OXGR1: variants seen among roughly 807,000 people sequenced by gnomAD.
OXGR1 encodes the protein oxoglutarate receptor 1.
Under a neutral mutation model 10.0 loss-of-function variants are expected in OXGR1, and 10 were observed. The ratio of observed to expected loss-of-function variants is 1.00; its 90% CI spans 0.62 to 1.70. The LOEUF (loss-of-function observed/expected upper bound fraction) is 1.70, where lower values mean the gene tolerates loss of function less well. Ranked by LOEUF, OXGR1 falls within the 40% of genes most tolerant of loss-of-function variation. The probability of loss-of-function intolerance (pLI) is 0.00; values close to 1 mark genes in which losing one functional copy is unlikely to be tolerated. For missense variants in OXGR1, 398 were observed against 407.6 expected (o/e 0.98, Z 0.20); for synonymous variants, 191 against 155.9 (o/e 1.22, Z -1.68).
chr13:96,991,206 T>G (rs570070082), intron 2 of OXGR1, among the ~76,000 whole-genome samples: 32 of 152,264 alleles, frequency 2.1e-4, no homozygotes, highest in African/African-American at 7.5e-4. Flanking sequence ...TTAATCTGTG[T>G]TCCATAAAAC....
intron 3 of OXGR1, among the ~76,000 whole-genome samples, chr13:96,989,061 T>C (rs866507923): frequency 3.0e-4 from 45 of 151,750 alleles, no homozygotes; most frequent in Admixed American, 3.9e-4. Context: ...CTGTCAATAG[T>C]ATGTTAAAAA....
rs1389889327 is a variant in OXGR1 at position 96,992,538 on chromosome 13, C to T, written c.-243G>A. ...GTGGACCGCTGTCCTGATGCCAGCA[C>T]ACCCAGGAACCTCACGGATTGGGAT... On this transcript the variant is annotated 5_prime_UTR_variant, in exon 2 of 4. In the 5' UTR this introduces an upstream ATG that the reference lacks. Coordinates refer to ENST00000541038, the MANE Select transcript of OXGR1 (RefSeq NM_001346194.2). The T allele has an allele frequency of 6.6e-6, 1 of 152,182 alleles. No homozygotes were observed. Among genetic ancestry groups the T allele is most frequent in the Non-Finnish European group, 1.5e-5 (1 of 68,038 alleles). 9.4% of individuals were successfully genotyped at this position (152,182 alleles called of 1,614,324 possible).
chr13:96,986,895 G>A lies in OXGR1; in HGVS notation c.865C>T (p.Pro289Ser), dbSNP rs1881771434. The A allele has an allele frequency of 5.0e-6, 8 of 1,614,022 alleles. No homozygotes were observed. In the East Asian group the frequency reaches 6.7e-5, roughly 13 times the overall value. The change falls in exon 4 of 4, where the codon CCA (proline) becomes TCA (serine). Residue 289 changes from proline (P) to serine (S), a missense_variant. Transcript: ENST00000541038. ...CCAAAGGTGTTCAGAGCAGCTAATG[G>A]TCTAGAAACGATGTAAGCTTCATGG... The part of the protein sequence containing the change: ...QIHEAYIVSR[P>S]LAALNTFGNL...
rs765856782 is a variant in OXGR1 at position 96,990,946 on chromosome 13, CAAAAA to C, written c.-126-1142_-126-1138del. Among the ~76,000 whole-genome samples the C allele has an allele frequency of 7.2e-5, 7 of 97,178 alleles. No homozygotes were observed. The East Asian group carries it at 1.4e-3, about 19-fold the overall frequency. The allele number at this position is 97,178 out of a possible 152,430, so 63.8% of individuals were successfully genotyped here. On this transcript the variant is annotated intron_variant, in intron 2 of 3. Coordinates refer to ENST00000541038, the MANE Select transcript of OXGR1 (RefSeq NM_001346194.2). ...CCTGAGTGACACAGCAAGACTCTTT[CAAAAA>C]AAAAAAAAAAAGCAAGCTTAGATCT...
chr13:96,991,114 T>TGTTCTGAAAAACAATA (rs1401769169), intron 2 of OXGR1, among the ~76,000 whole-genome samples: 1 of 152,214 alleles, frequency 6.6e-6, no homozygotes, highest in Non-Finnish European at 1.5e-5. Context: ...ACTGCCTTAT[T>TGTTCTGAAAAACAATA]GTTCTGAAAA....
At chr13:96,990,799 C>T (rs1313187934) in intron 2 of OXGR1, among the ~76,000 whole-genome samples, 15 of 151,394 alleles carry the variant, frequency 9.9e-5, no homozygotes, top group African/African-American at 1.5e-4. Flanking sequence ...CAAAAAAAAA[C>T]GTAGCTGGGT....
In OXGR1 at chr13:96,987,700, A is replaced by G. The variant is rs1881847623; in HGVS notation, c.60T>C (p.Ala20=). The G allele has an allele frequency of 6.2e-7, 1 of 1,612,978 alleles. No homozygotes were observed. Among genetic ancestry groups the G allele is most frequent in the Non-Finnish European group, 8.5e-7 (1 of 1,179,422 alleles). ...NASDFPDYAA[A]FGNCTDENIP... ...TGTTTTCATCAGTGCAATTTCCAAA[A>G]GCAGCTGCATAATCGGGGAAATCAG... The change falls in exon 4 of 4, where the codon GCT becomes GCC. Residue 20 remains alanine (A), a synonymous_variant. Coordinates refer to ENST00000541038, the MANE Select transcript of OXGR1 (RefSeq NM_001346194.2).
chr13:96,992,753 C>T (rs551332131), intron 1 of OXGR1, among the ~76,000 whole-genome samples, 181 bp from the exon 2 acceptor site: 5 of 152,294 alleles, frequency 3.3e-5, no homozygotes, highest in African/African-American at 1.2e-4. Flanking sequence ...AAGTTAAGCT[C>T]ATTATCCAAC....
chr13:96,992,854 C>A (rs1336753466), intron 1 of OXGR1, among the ~76,000 whole-genome samples: 1 of 152,180 alleles, frequency 6.6e-6, no homozygotes, highest in African/African-American at 2.4e-5. Context: ...ACAGTTGGTT[C>A]TTTCCTCCTT....
rs1882164589 is a variant in OXGR1, at chr13:96,993,529, ATTCGTTAAATAAGAATCTGCAACTCAGT to A, written c.-278+741_-278+768del. ...GAGCCACACACCCGGCCAATCCCCA[ATTCGTTAAATAAGAATCTGCAACTCAGT>A]TTCCCTGAAGACTATTAAGAGGTCA... On this transcript the variant is annotated intron_variant, in intron 1 of 3. Transcript: ENST00000541038. Among the ~76,000 whole-genome samples the A allele has an allele frequency of 1.3e-5, 2 of 152,082 alleles. 1 individual carries two copies. The highest frequency in any genetic ancestry group is 1.3e-4 in the Admixed American group (2 of 15,266).
chr13:96,991,183 T>C (rs1040366628), intron 2 of OXGR1, among the ~76,000 whole-genome samples: 8 of 151,872 alleles, frequency 5.3e-5, no homozygotes, highest in Non-Finnish European at 8.8e-5. Context: ...GGTGGAGGGG[T>C]TGACTAGGAA....
chr13:96,992,009 C>G (rs190164956), intron 2 of OXGR1, among the ~76,000 whole-genome samples: 36 of 152,118 alleles, frequency 2.4e-4, no homozygotes, highest in African/African-American at 8.4e-4. Context: ...TGTTCTCACT[C>G]ATTCATGGGA....
intron 1 of OXGR1, among the ~76,000 whole-genome samples, chr13:96,993,127 C>G (rs559816132): frequency 6.6e-6 from 1 of 152,316 alleles, no homozygotes; most frequent in African/African-American, 2.4e-5. Flanking sequence ...CCTCCCTGGT[C>G]CCTGAAGGAA....
intron 2 of OXGR1, among the ~76,000 whole-genome samples, chr13:96,991,996 G>T (rs1262806941): frequency 1.3e-5 from 2 of 152,130 alleles, no homozygotes; most frequent in African/African-American, 2.4e-5. Context: ...GACAAACATT[G>T]CATGTTCTCA....
Position 96,989,811 on chromosome 13 carries a change from TA to T in OXGR1, c.-126-3del, listed in dbSNP as rs1441582922. ...TTGTTGATTTTCATCAGGATTACCC[TA>T]AATAATAGAGGGAAAAACAAGTGTG... On this transcript the variant is annotated splice_region_variant and splice_polypyrimidine_tract_variant and intron_variant, in intron 2 of 3. Transcript: ENST00000541038. 1 of 152,100 alleles carries T rather than the reference TA, an allele frequency of 6.6e-6. No individual in the cohort carries two copies. Among genetic ancestry groups the T allele is most frequent in the Non-Finnish European group, 1.5e-5 (1 of 68,008 alleles). The allele number at this position is 152,100 out of a possible 1,614,324, so 9.4% of individuals were successfully genotyped here. A position where few individuals can be genotyped will look rare whatever the true frequency, so the allele number is the denominator to read the frequency against.
intron 3 of OXGR1, among the ~76,000 whole-genome samples, chr13:96,989,130 C>T (rs1881928660): frequency 1.3e-5 from 2 of 152,136 alleles, no homozygotes; most frequent in African/African-American, 2.4e-5. Context: ...AAAAATATTA[C>T]GTGATTGTTA....
rs1881748585 is a variant in OXGR1, at chr13:96,986,589, T to C, written c.*157A>G. The C allele has an allele frequency of 1.4e-6, 1 of 706,034 alleles. No individual in the cohort carries two copies. The highest frequency in any genetic ancestry group is 1.9e-5 in the South Asian group (1 of 51,926). The allele number at this position is 706,034 out of a possible 1,614,324, so 43.7% of individuals were successfully genotyped here. ...CCAGTGGAGGAGCTCAATAAAGGGA[T>C]TGCAAAGAACTAGAAGCTCTGCCCT... On this transcript the variant is annotated 3_prime_UTR_variant, in exon 4 of 4. Coordinates refer to ENST00000541038, the MANE Select transcript of OXGR1 (RefSeq NM_001346194.2).
At chr13:96,994,619 T>G (rs1271640761), upstream of OXGR1, 1 of 151,808 alleles carries the variant, frequency 6.6e-6, no homozygotes, top group Non-Finnish European at 1.5e-5. Flanking sequence ...GGCGGGAGGG[T>G]TGTTGCCCCA....
In OXGR1 at chr13:96,988,919, T is replaced by C. The variant is rs370010028; in HGVS notation, c.-75+839A>G. Reference sequence around the variant, plus strand: ...CCACATTTCTGGAGCACCCACTCTGTATTGGGTCCTCTGTCAAGTCCTAGA... The same window carrying C: ...CCACATTTCTGGAGCACCCACTCTGCATTGGGTCCTCTGTCAAGTCCTAGA... On this transcript the variant is annotated intron_variant, in intron 3 of 3. Coordinates refer to ENST00000541038, the MANE Select transcript of OXGR1 (RefSeq NM_001346194.2). 1.6e-4 allele frequency among the ~76,000 whole-genome samples: 25 copies of C among 152,270 alleles called. No individual in the cohort carries two copies. The East Asian group carries it at 4.8e-3, about 29-fold the overall frequency.
Sources: gnomAD v4.1 joint callset for allele counts (sites outside exome capture counted in the v4.1 genomes callset) on GRCh38, gnomAD v4.1.1 for gene constraint, MANE v1.5 for transcripts, NCBI Gene and HGNC (gene_info 2026-07-23, HGNC 2026-07-21) for gene names.